MAST2: variants seen among roughly 807,000 people sequenced by gnomAD.
The protein encoded by MAST2 is microtubule-associated serine/threonine-protein kinase 2.
Under a neutral mutation model 147.4 loss-of-function variants are expected in MAST2, and 70 were observed. The ratio of observed to expected loss-of-function variants is 0.47; its 90% confidence interval spans 0.39 to 0.58. The LOEUF (loss-of-function observed/expected upper bound fraction) is 0.58. Ranked by LOEUF, MAST2 falls within the 20% of genes least tolerant of loss-of-function variation. MAST2 has a pLI of 0.00. For missense variants in MAST2, 2,080 were observed against 2,302.3 expected, an observed-to-expected ratio of 0.90 and a Z score of 1.98; for synonymous variants, 869 against 896.8, an observed-to-expected ratio of 0.97 and a Z score of 0.55.
At chr1:45,938,465 A>G (rs936744113) in intron 4 of MAST2, among the ~76,000 whole-genome samples, 1 of 152,092 alleles carries the variant, frequency 6.6e-6, no homozygotes, top group Non-Finnish European at 1.5e-5. Context: ...CTGGGACCAC[A>G]GGTGCACACC....
intron 4 of MAST2, among the ~76,000 whole-genome samples, chr1:45,917,075 T>G (rs1652658345): frequency 6.6e-6 from 1 of 152,190 alleles, no homozygotes; most frequent in African/African-American, 2.4e-5. Context: ...CAAAACTCTG[T>G]CTCAAAAAAT....
intron 5 of MAST2, among the ~76,000 whole-genome samples, chr1:45,963,023 C>A (rs1557971553): frequency 6.6e-6 from 1 of 152,168 alleles, no homozygotes; most frequent in Non-Finnish European, 1.5e-5. Context: ...AATAGGGAAT[C>A]TTTTCCCCAT....
At chr1:45,965,421 A>C (rs1661043057) in intron 5 of MAST2, among the ~76,000 whole-genome samples, 1 of 152,170 alleles carries the variant, frequency 6.6e-6, no homozygotes, top group Admixed American at 6.5e-5. Context: ...TATTGGGTGC[A>C]CATATATTTA....
chr1:46,005,134 G>A (rs1225360557), intron 7 of MAST2, among the ~76,000 whole-genome samples: 4 of 152,168 alleles, frequency 2.6e-5, no homozygotes, highest in African/African-American at 7.2e-5. Flanking sequence ...AGGCCAAGGC[G>A]GGCAGATCAC....
intron 4 of MAST2, among the ~76,000 whole-genome samples, chr1:45,884,786 T>A (rs188148924): frequency 4.6e-5 from 7 of 152,178 alleles, no homozygotes; most frequent in African/African-American, 1.7e-4. Context: ...GGTACTAATA[T>A]AGGCTTTGCC....
intron 3 of MAST2, among the ~76,000 whole-genome samples, chr1:45,870,083 C>T (rs2148155753): frequency 6.6e-6 from 1 of 152,242 alleles, no homozygotes; most frequent in Non-Finnish European, 1.5e-5. Flanking sequence ...GCCACCATGC[C>T]TGGCTAATTT....
intron 3 of MAST2, among the ~76,000 whole-genome samples, chr1:45,864,375 A>G (rs534972431): frequency 6.6e-6 from 1 of 152,340 alleles, no homozygotes; most frequent in Non-Finnish European, 1.5e-5. Flanking sequence ...AACCGACCTT[A>G]GCAATGATCT....
chr1:45,844,770 A>C (rs572697429), intron 3 of MAST2, among the ~76,000 whole-genome samples: 87 of 152,238 alleles, frequency 5.7e-4, no homozygotes, highest in Middle Eastern at 6.8e-3. Flanking sequence ...TTTTTTAGAT[A>C]AATTTGTTGG....
At chr1:45,853,335 A>G (rs1194013866) in intron 3 of MAST2, among the ~76,000 whole-genome samples, 1 of 152,076 alleles carries the variant, frequency 6.6e-6, no homozygotes, top group African/African-American at 2.4e-5. Context: ...GTTTTGCATA[A>G]CACATTTATT....
intron 1 of MAST2, among the ~76,000 whole-genome samples, chr1:45,815,575 G>T: frequency 6.6e-6 from 1 of 152,112 alleles, no homozygotes; most frequent in South Asian, 2.1e-4. Flanking sequence ...TCATAGGGGT[G>T]TTACCAAGGT....
In MAST2 at chr1:45,824,585, A is replaced by G. The variant is rs565888923; in HGVS notation, c.325+5A>G. On this transcript the variant is annotated splice_donor_5th_base_variant and intron_variant, in intron 2 of 28. Transcript: ENST00000361297. ...ACCTGGCCAGCTCTCTATCGGGTAAATATCTGATTTTGTTGTTTTAAGAAA... is the reference window on the plus strand; with the variant it reads ...ACCTGGCCAGCTCTCTATCGGGTAAGTATCTGATTTTGTTGTTTTAAGAAA... 25 of 1,574,776 alleles carry G rather than the reference A, an allele frequency of 1.6e-5. No homozygotes were observed. The highest frequency in any genetic ancestry group is 2.1e-5 in the Non-Finnish European group (24 of 1,156,752).
At chr1:45,913,826 G>C (rs757050064) in intron 4 of MAST2, 34 of 1,217,250 alleles carry the variant, frequency 2.8e-5, no homozygotes, top group Non-Finnish European at 3.5e-5. Flanking sequence ...GAGTAGCCAG[G>C]AGAATGATGA....
intron 4 of MAST2, among the ~76,000 whole-genome samples, chr1:45,933,235 A>AGGG (rs1484696705): frequency 2.2e-4 from 13 of 59,084 alleles, no homozygotes; most frequent in East Asian, 9.1e-4. Flanking sequence ...TAAAAAAAAA[A>AGGG]AGCGGGGGGG....
intron 10 of MAST2, among the ~76,000 whole-genome samples, chr1:46,015,364 CA>C (rs1446565187): frequency 3.9e-5 from 6 of 152,016 alleles, no homozygotes; most frequent in African/African-American, 1.4e-4. Context: ...AAAAACCCTT[CA>C]AAAAATTAAT....
At chr1:45,849,905 T>A (rs190240085) in intron 3 of MAST2, among the ~76,000 whole-genome samples, 1 of 152,216 alleles carries the variant, frequency 6.6e-6, no homozygotes, top group South Asian at 2.1e-4. Flanking sequence ...AGTGCTGTGA[T>A]TAACATGTGA....
chr1:45,889,467 G>A (rs1370061841), intron 4 of MAST2, among the ~76,000 whole-genome samples: 1 of 152,154 alleles, frequency 6.6e-6, no homozygotes, highest in African/African-American at 2.4e-5. Context: ...GATTACAGGT[G>A]TGAGCCTCTG....
At chr1:45,866,681 G>A (rs1236750834) in intron 3 of MAST2, among the ~76,000 whole-genome samples, 1 of 151,882 alleles carries the variant, frequency 6.6e-6, no homozygotes, top group East Asian at 1.9e-4. Flanking sequence ...AGATTACATA[G>A]CACTGGAAGA....
chr1:46,010,248 A>G (rs1282029023), intron 9 of MAST2, among the ~76,000 whole-genome samples: 1 of 152,240 alleles, frequency 6.6e-6, no homozygotes, highest in African/African-American at 2.4e-5. Context: ...TGGGAGGTCC[A>G]GTGGAAGAAC....
At chr1:45,935,457 G>C (rs977909741) in intron 4 of MAST2, among the ~76,000 whole-genome samples, 6 of 152,120 alleles carry the variant, frequency 3.9e-5, no homozygotes, top group Admixed American at 6.5e-5. Context: ...TCTTCATCAT[G>C]AAGTCTTCCA....
Sources: allele counts gnomAD v4.1 joint callset (sites outside exome capture counted in the v4.1 genomes callset), GRCh38; gene constraint gnomAD v4.1.1; transcripts MANE v1.5; gene names NCBI Gene and HGNC (gene_info 2026-07-23, HGNC 2026-07-21).